POU6F2: variants seen among roughly 807,000 people sequenced by gnomAD.
The protein encoded by POU6F2 is POU class 6 homeobox 2, also known as POU domain, class 6, transcription factor 2.
In POU6F2, 31 loss-of-function variants were observed where a neutral mutation model predicts 71.3. That is an observed-to-expected ratio of 0.43 (90% CI 0.33 to 0.59). The LOEUF is 0.59. Among genes scored for constraint, POU6F2 ranks in the 20% least tolerant of loss-of-function variants. The pLI, the probability that POU6F2 is intolerant of heterozygous loss-of-function variation, is 0.04. For synonymous variants in POU6F2, 347 were observed against 355.7 expected, an observed-to-expected ratio of 0.98 and a Z score of 0.27; for missense variants, 783 against 856.8, an observed-to-expected ratio of 0.91 and a Z score of 1.07.
intron 2 of POU6F2, among the ~76,000 whole-genome samples, chr7:39,135,785 A>G (rs774768832): frequency 1.3e-5 from 2 of 152,196 alleles, no homozygotes; most frequent in Non-Finnish European, 2.9e-5. Context: ...GTTCCAGTAA[A>G]TACAATAAAC....
chr7:39,089,817 A>G (rs1181849485), intron 2 of POU6F2, among the ~76,000 whole-genome samples: 1 of 152,218 alleles, frequency 6.6e-6, no homozygotes, highest in Non-Finnish European at 1.5e-5. Context: ...ATTTTCTCCC[A>G]TATATATTTG....
At chr7:39,246,905 C>CTTTTTTTTTTTTTTTTTTTTTTTTT (rs398004470) in intron 4 of POU6F2, among the ~76,000 whole-genome samples, 3 of 78,150 alleles carry the variant, frequency 3.8e-5, no homozygotes, top group African/African-American at 1.2e-4. Flanking sequence ...TCCAGGGTGG[C>CTTTTTTTTTTTTTTTTTTTTTTTTT]TTTTTTTTTT....
intron 4 of POU6F2, among the ~76,000 whole-genome samples, chr7:39,264,869 C>G (rs956181935): frequency 6.6e-6 from 1 of 152,004 alleles, no homozygotes; most frequent in African/African-American, 2.4e-5. Flanking sequence ...CCACAAAGAA[C>G]TGTTCTAAAG....
intron 2 of POU6F2, among the ~76,000 whole-genome samples, chr7:39,106,716 A>G (rs1046600747): frequency 3.3e-5 from 5 of 152,246 alleles, no homozygotes; most frequent in African/African-American, 1.2e-4. Context: ...AAGTAGAATT[A>G]CTAAATCAGT....
intron 1 of POU6F2, among the ~76,000 whole-genome samples, chr7:39,002,544 A>T (rs1185345308): frequency 6.6e-6 from 1 of 152,124 alleles, no homozygotes; most frequent in Non-Finnish European, 1.5e-5. Flanking sequence ...AATGGGTTTC[A>T]CCTTGTTGGC....
At chr7:39,236,179 CA>C (rs1316775819) in intron 4 of POU6F2, among the ~76,000 whole-genome samples, 3 of 152,128 alleles carry the variant, frequency 2.0e-5, no homozygotes, top group African/African-American at 2.4e-5. Flanking sequence ...TTAAATAGAA[CA>C]CACTTCAGAA....
intron 1 of POU6F2, among the ~76,000 whole-genome samples, chr7:39,084,234 C>T (rs941662299): frequency 6.6e-6 from 1 of 152,176 alleles, no homozygotes; most frequent in African/African-American, 2.4e-5. Flanking sequence ...TTCACAACCC[C>T]TAATGCCCCA....
At chr7:39,379,118 A>G (rs1786770708) in intron 5 of POU6F2, among the ~76,000 whole-genome samples, 1 of 152,130 alleles carries the variant, frequency 6.6e-6, no homozygotes, top group Admixed American at 6.5e-5. Context: ...ATGACTCAGG[A>G]ATCGGGTAGG....
chr7:39,371,313 G>A (rs1429388569), intron 5 of POU6F2, among the ~76,000 whole-genome samples: 4 of 151,850 alleles, frequency 2.6e-5, no homozygotes, highest in Non-Finnish European at 4.4e-5. Context: ...TTGAGTAGCT[G>A]GGACTACAGG....
At chr7:39,277,458 C>T (rs1183521822) in intron 4 of POU6F2, among the ~76,000 whole-genome samples, 1 of 152,080 alleles carries the variant, frequency 6.6e-6, no homozygotes, top group Non-Finnish European at 1.5e-5. Context: ...TTTATGTCCA[C>T]GTGTACCCAG....
chr7:39,413,025 C>T (rs1407551574), intron 6 of POU6F2, among the ~76,000 whole-genome samples: 1 of 151,166 alleles, frequency 6.6e-6, no homozygotes, highest in Non-Finnish European at 1.5e-5. Flanking sequence ...AGGATGGTCT[C>T]GATCTGCTGA....
chr7:39,078,973 C>A (rs1330057932), intron 1 of POU6F2, among the ~76,000 whole-genome samples: 1 of 152,084 alleles, frequency 6.6e-6, no homozygotes, highest in Non-Finnish European at 1.5e-5. Context: ...TCCCCTACAG[C>A]ATCTATTTGA....
intron 7 of POU6F2, among the ~76,000 whole-genome samples, chr7:39,435,769 AT>A (rs201565874): frequency 0.013 from 1,973 of 152,250 alleles, 30 homozygotes; most frequent in African/African-American, 0.043. Context: ...GGGGTTTTAC[AT>A]TTAAGTCTAA....
chr7:39,199,115 C>T (rs1793843296), intron 2 of POU6F2, among the ~76,000 whole-genome samples: 2 of 152,164 alleles, frequency 1.3e-5, no homozygotes, highest in South Asian at 4.1e-4. Flanking sequence ...CCAAAGAACC[C>T]AATTCATAAA....
intron 2 of POU6F2, among the ~76,000 whole-genome samples, chr7:39,115,027 A>T (rs1791901881): frequency 6.6e-6 from 1 of 152,220 alleles, no homozygotes; most frequent in African/African-American, 2.4e-5. Context: ...TTAGCAATTT[A>T]TATTCTCAGT....
Position 39,464,929 on chromosome 7 carries a change from A to C in POU6F2, c.*243A>C. 3.8e-6 allele frequency: 2 copies of C among 523,112 alleles called. No individual in the cohort carries two copies. The highest frequency in any genetic ancestry group is 6.6e-6 in the Non-Finnish European group (2 of 302,708). 32.4% of individuals were successfully genotyped at this position (523,112 alleles called of 1,614,324 possible). A position where few individuals can be genotyped will look rare whatever the true frequency, so the allele number is the denominator to read the frequency against. On this transcript the variant is annotated 3_prime_UTR_variant, in exon 10 of 10. Coordinates refer to ENST00000518318, the MANE Select transcript of POU6F2 (RefSeq NM_001370959.1). This position sits in a 1 kb window ranked among gnomAD's most constrained non-coding sequence, Gnocchi z 4.1. Reference sequence around the variant, plus strand: ...AATTTTTAAACAAGGAATACACCACACTGAAGGTGTGTGTGGTAGGATAGT... The same window carrying C: ...AATTTTTAAACAAGGAATACACCACCCTGAAGGTGTGTGTGGTAGGATAGT...
chr7:39,353,724 G>A (rs1246575864), intron 5 of POU6F2, among the ~76,000 whole-genome samples: 4 of 152,170 alleles, frequency 2.6e-5, no homozygotes, highest in Non-Finnish European at 5.9e-5. Context: ...TGCCCAGCAG[G>A]AGGCCCGGCC....
chr7:39,124,628 A>G (rs1373418472), intron 2 of POU6F2, among the ~76,000 whole-genome samples: 1 of 152,178 alleles, frequency 6.6e-6, no homozygotes, highest in Non-Finnish European at 1.5e-5. Context: ...CCTTTCATAG[A>G]AGCAGATTCA....
At chr7:39,433,314 A>G in intron 7 of POU6F2, 31 bp downstream of exon 7, 1 of 1,612,124 alleles carries the variant, frequency 6.2e-7, no homozygotes, top group Non-Finnish European at 8.5e-7. Flanking sequence ...CAGCCATGGC[A>G]CAGGACACTG....
Sources: allele counts gnomAD v4.1 joint callset (sites outside exome capture counted in the v4.1 genomes callset), GRCh38; gene constraint gnomAD v4.1.1; non-coding constraint Gnocchi (gnomAD v3.1); transcripts MANE v1.5; gene names NCBI Gene and HGNC (gene_info 2026-07-23, HGNC 2026-07-21).